The following PEBP4 variants were observed in gnomAD, a reference collection of about 807,000 sequenced individuals.
The protein encoded by PEBP4 is phosphatidylethanolamine-binding protein 4.
PEBP4 carries 22 observed loss-of-function variants against 23.9 expected under a neutral mutation model. That is an observed-to-expected ratio of 0.92 (90% CI 0.66 to 1.31). The LOEUF is 1.31. Among genes scored for constraint, PEBP4 ranks in the 40% most tolerant of loss-of-function variants. The probability of loss-of-function intolerance (pLI) is 0.00; values close to 1 mark genes in which losing one functional copy is unlikely to be tolerated. For synonymous variants in PEBP4, 112 were observed against 99.3 expected, an observed-to-expected ratio of 1.13 and a Z score of -0.76; for missense variants, 324 against 281.7, an observed-to-expected ratio of 1.15 and a Z score of -1.07.
intron 6 of PEBP4, among the ~76,000 whole-genome samples, chr8:22,717,654 G>A (rs1359721807): frequency 6.6e-6 from 1 of 152,218 alleles, no homozygotes; most frequent in East Asian, 1.9e-4. Context: ...AAGGACAGGG[G>A]CCACTGGTTC....
chr8:22,870,602 T>C (rs894295013), intron 3 of PEBP4, among the ~76,000 whole-genome samples: 2 of 152,110 alleles, frequency 1.3e-5, no homozygotes, highest in Non-Finnish European at 2.9e-5. Flanking sequence ...GAGAATGACA[T>C]GTCAATGTAG....
intron 3 of PEBP4, among the ~76,000 whole-genome samples, chr8:22,818,491 G>A (rs1330318546): frequency 2.6e-5 from 4 of 152,156 alleles, no homozygotes; most frequent in African/African-American, 9.7e-5. Context: ...TGTGGCCAGG[G>A]ACAAGCAAGG....
chr8:22,751,049 C>G (rs1029629860), intron 4 of PEBP4, among the ~76,000 whole-genome samples: 1 of 152,184 alleles, frequency 6.6e-6, no homozygotes, highest in Admixed American at 6.5e-5. Context: ...GCCCACGCAG[C>G]GGGCAGAAGC....
intron 4 of PEBP4, among the ~76,000 whole-genome samples, chr8:22,801,848 C>T (rs1306225179): frequency 1.3e-5 from 2 of 152,078 alleles, no homozygotes; most frequent in African/African-American, 4.8e-5. Flanking sequence ...GTGAAAACTC[C>T]ACCACTCTTA....
intron 4 of PEBP4, among the ~76,000 whole-genome samples, chr8:22,768,408 T>C (rs1187959734): frequency 6.6e-6 from 1 of 152,180 alleles, no homozygotes; most frequent in Non-Finnish European, 1.5e-5. Context: ...AAGCATTTAT[T>C]GCCTGGGGTG....
At chr8:22,805,190 A>C (rs1017828913) in intron 4 of PEBP4, among the ~76,000 whole-genome samples, 2 of 152,230 alleles carry the variant, frequency 1.3e-5, no homozygotes. Context: ...TCTGCATGGT[A>C]CTGTCATGGT....
intron 3 of PEBP4, among the ~76,000 whole-genome samples, chr8:22,902,332 AAAAAC>A: frequency 6.6e-6 from 1 of 152,186 alleles, no homozygotes; most frequent in Non-Finnish European, 1.5e-5. Flanking sequence ...TCCGTCTCAA[AAAAAC>A]AAAAACAAAA....
At chr8:22,793,576 T>C (rs1350185446) in intron 4 of PEBP4, among the ~76,000 whole-genome samples, 11 of 152,112 alleles carry the variant, frequency 7.2e-5, no homozygotes, top group Non-Finnish European at 4.4e-5. Flanking sequence ...CCATCACACC[T>C]GGTTGGTTGC....
intron 4 of PEBP4, among the ~76,000 whole-genome samples, chr8:22,792,779 C>A (rs546817480): frequency 5.9e-5 from 9 of 151,912 alleles, no homozygotes; most frequent in African/African-American, 2.2e-4. Context: ...TAATTGCAAG[C>A]AGAGAGCCAG....
chr8:22,804,309 C>T (rs910311767), intron 4 of PEBP4, among the ~76,000 whole-genome samples: 1 of 152,076 alleles, frequency 6.6e-6, no homozygotes, highest in Non-Finnish European at 1.5e-5. Flanking sequence ...CCACCCTGGG[C>T]AACAGAATGA....
intron 4 of PEBP4, among the ~76,000 whole-genome samples, chr8:22,814,611 G>GC (rs1384028865): frequency 6.6e-6 from 1 of 152,164 alleles, no homozygotes. Context: ...GTTAGACCTG[G>GC]CCCCCTAATA....
At chr8:22,890,731 T>C (rs1346616913) in intron 3 of PEBP4, among the ~76,000 whole-genome samples, 1 of 152,220 alleles carries the variant, frequency 6.6e-6, no homozygotes, top group Non-Finnish European at 1.5e-5. Context: ...AGTCCTGACT[T>C]TTACCGGCAA....
Position 22,865,056 on chromosome 8 carries a change from C to A in PEBP4, c.259-47321G>T, listed in dbSNP as rs1345044987. On this transcript the variant is annotated intron_variant, in intron 3 of 6. Transcript: ENST00000256404. The surrounding 1 kb of genome is among the most constrained non-coding windows in gnomAD (Gnocchi z 6.9). ...GGCGGCGAGGCCAAGGGGTAGGTCA[C>A]CAGGCGGGGACCTGCAGGGCCAGAC... Among the ~76,000 whole-genome samples the A allele has an allele frequency of 6.6e-6, 1 of 152,118 alleles. No homozygotes were observed. The highest frequency in any genetic ancestry group is 1.5e-5 in the Non-Finnish European group (1 of 68,002).
chr8:22,715,380 G>A (rs954214962), intron 6 of PEBP4, among the ~76,000 whole-genome samples: 3 of 152,236 alleles, frequency 2.0e-5, no homozygotes, highest in Non-Finnish European at 2.9e-5. Flanking sequence ...ATGACCCTGG[G>A]AACGAGTGTG....
chr8:22,810,522 G>A (rs1013817627), intron 4 of PEBP4, among the ~76,000 whole-genome samples: 2 of 152,090 alleles, frequency 1.3e-5, no homozygotes, highest in African/African-American at 4.8e-5. Context: ...TCATGTCAGG[G>A]CAAGGATGGA....
At chr8:22,930,367 T>C (rs1343512723), upstream of PEBP4, among the ~76,000 whole-genome samples, 1 of 152,176 alleles carries the variant, frequency 6.6e-6, no homozygotes, top group Non-Finnish European at 1.5e-5. Flanking sequence ...ACTGCTTTCT[T>C]CATTATTCTC....
At chr8:22,848,620 A>T (rs181669804) in intron 3 of PEBP4, among the ~76,000 whole-genome samples, 100 of 152,230 alleles carry the variant, frequency 6.6e-4, no homozygotes, top group African/African-American at 2.3e-3. Flanking sequence ...TAAGAAACAG[A>T]TCAATTTTTG....
Position 22,802,541 on chromosome 8 carries a change from C to T in PEBP4, c.357+15096G>A, listed in dbSNP as rs118014332. 4.5e-3 allele frequency among the ~76,000 whole-genome samples: 679 copies of T among 152,384 alleles called. 20 individuals carry two copies. The highest frequency in any genetic ancestry group is 0.044 in the East Asian group (226 of 5,188). On this transcript the variant is annotated intron_variant, in intron 4 of 6. Coordinates refer to ENST00000256404, the MANE Select transcript of PEBP4 (RefSeq NM_144962.3). ...TGAGCTTTGCAACACTGACCTGACA[C>T]TGGTTCCAACCACAGGTCACAAATC...
intron 6 of PEBP4, among the ~76,000 whole-genome samples, chr8:22,721,212 G>A (rs892930172): frequency 6.6e-6 from 1 of 152,088 alleles, no homozygotes; most frequent in Non-Finnish European, 1.5e-5. Context: ...AGGACATTCC[G>A]GGAAGCTGGG....
Sources: gnomAD v4.1 joint callset for allele counts (sites outside exome capture counted in the v4.1 genomes callset) on GRCh38, gnomAD v4.1.1 for gene constraint, Gnocchi (gnomAD v3.1) non-coding constraint, MANE v1.5 for transcripts, NCBI Gene and HGNC (gene_info 2026-07-23, HGNC 2026-07-21) for gene names.